Variants in MECOM observed in about 807,000 individuals in gnomAD.
MECOM encodes histone-lysine N-methyltransferase MECOM.
MECOM carries 13 observed loss-of-function variants against 116.3 expected under a neutral mutation model. That is an observed-to-expected ratio of 0.11 (90% CI 0.07 to 0.18). The LOEUF (loss-of-function observed/expected upper bound fraction) is 0.18. MECOM is among the 10% of genes least tolerant of loss of function. The pLI, the probability that MECOM is intolerant of heterozygous loss-of-function variation, is 1.00. For missense variants in MECOM, 1,299 were observed against 1,509.0 expected, an observed-to-expected ratio of 0.86 and a Z score of 2.31; for synonymous variants, 528 against 535.2, an observed-to-expected ratio of 0.99 and a Z score of 0.19.
At chr3:169,562,638 C>T (rs1192284946) in intron 1 of MECOM, among the ~76,000 whole-genome samples, 2 of 152,142 alleles carry the variant, frequency 1.3e-5, no homozygotes, top group South Asian at 2.1e-4. Context: ...ACCCACAAAA[C>T]CCTGGAGACT....
At chr3:169,322,660 A>G (rs978925361) in intron 2 of MECOM, among the ~76,000 whole-genome samples, 12 of 152,158 alleles carry the variant, frequency 7.9e-5, no homozygotes, top group Non-Finnish European at 1.3e-4. Context: ...GCAAATGCCA[A>G]TGAGTACCTA....
chr3:169,549,411 A>G (rs1291778741), intron 1 of MECOM, among the ~76,000 whole-genome samples: 1 of 152,200 alleles, frequency 6.6e-6, no homozygotes, highest in East Asian at 1.9e-4. Flanking sequence ...AAAGAAAAAA[A>G]AAAAAAAGCT....
At chr3:169,110,361 C>T (rs184295030) in intron 9 of MECOM, among the ~76,000 whole-genome samples, 5 of 152,262 alleles carry the variant, frequency 3.3e-5, no homozygotes, top group Admixed American at 3.3e-4. Flanking sequence ...TTAGGTCCTT[C>T]CACATGCCAA....
At chr3:169,166,300 T>C (rs1454552208) in intron 2 of MECOM, among the ~76,000 whole-genome samples, 1 of 151,912 alleles carries the variant, frequency 6.6e-6, no homozygotes, top group East Asian at 1.9e-4. Context: ...AAGCGGGGAG[T>C]GCGTTGCTTA....
chr3:169,391,596 A>G (rs949908441), intron 1 of MECOM, among the ~76,000 whole-genome samples: 2 of 152,220 alleles, frequency 1.3e-5, no homozygotes, highest in Non-Finnish European at 2.9e-5. Flanking sequence ...ATGAGAAAAC[A>G]TTATATATTT....
At chr3:169,115,287 T>C in intron 8 of MECOM, 96 bp downstream of exon 8, 1 of 1,250,428 alleles carries the variant, frequency 8.0e-7, no homozygotes. Flanking sequence ...TTTATAATAA[T>C]AGTAAAAATG....
intron 1 of MECOM, among the ~76,000 whole-genome samples, chr3:169,566,513 C>A (rs182510225): frequency 6.6e-6 from 1 of 152,266 alleles, no homozygotes; most frequent in East Asian, 1.9e-4. Flanking sequence ...TGCCAGGTAC[C>A]ATGCAATGGG....
intron 1 of MECOM, among the ~76,000 whole-genome samples, chr3:169,388,661 T>C (rs372663821): frequency 6.6e-6 from 1 of 152,190 alleles, no homozygotes; most frequent in African/African-American, 2.4e-5. Context: ...GTCTTTAGCA[T>C]GTCCTGCTCC....
intron 1 of MECOM, among the ~76,000 whole-genome samples, chr3:169,419,538 A>G (rs1739340228): frequency 6.6e-6 from 1 of 152,178 alleles, no homozygotes; most frequent in Non-Finnish European, 1.5e-5. Flanking sequence ...TACCAGTGGC[A>G]AAACAGATAT....
intron 2 of MECOM, among the ~76,000 whole-genome samples, chr3:169,252,638 C>T (rs1348663137): frequency 6.6e-6 from 1 of 152,050 alleles, no homozygotes; most frequent in African/African-American, 2.4e-5. Context: ...AAAGTCTACA[C>T]TTTTACTGGG....
At chr3:169,579,889 C>G (rs1009434623) in intron 1 of MECOM, among the ~76,000 whole-genome samples, 1 of 152,200 alleles carries the variant, frequency 6.6e-6, no homozygotes, top group African/African-American at 2.4e-5. Flanking sequence ...TTCCACAGCA[C>G]AACCATTTCA....
intron 1 of MECOM, among the ~76,000 whole-genome samples, chr3:169,552,834 C>T (rs1761573726): frequency 7.3e-6 from 1 of 136,394 alleles, no homozygotes; most frequent in South Asian, 2.1e-4. Context: ...GGAAGTGGGG[C>T]GGTGCCATCC....
chr3:169,508,577 T>A (rs1308020737), intron 1 of MECOM, among the ~76,000 whole-genome samples: 1 of 152,182 alleles, frequency 6.6e-6, no homozygotes, highest in East Asian at 1.9e-4. Flanking sequence ...AGCCTGTCAA[T>A]CCTGTAAATA....
intron 2 of MECOM, among the ~76,000 whole-genome samples, chr3:169,159,402 A>G (rs1415963421): frequency 6.6e-6 from 1 of 152,098 alleles, no homozygotes; most frequent in African/African-American, 2.4e-5. Flanking sequence ...TACTAAAAAT[A>G]CAAAAAATTA....
intron 1 of MECOM, among the ~76,000 whole-genome samples, chr3:169,529,000 T>A (rs569695343): frequency 3.9e-5 from 6 of 152,344 alleles, no homozygotes; most frequent in Admixed American, 3.9e-4. Context: ...TTTTTTCCCA[T>A]TTGAATTGCT....
At chr3:169,426,601 G>C (rs868156173) in intron 1 of MECOM, among the ~76,000 whole-genome samples, 1 of 152,208 alleles carries the variant, frequency 6.6e-6, no homozygotes, top group Non-Finnish European at 1.5e-5. Flanking sequence ...CTGATTTAAA[G>C]TCAATGAATA....
chr3:169,308,681 C>A (rs1718163171), intron 2 of MECOM, among the ~76,000 whole-genome samples: 1 of 152,126 alleles, frequency 6.6e-6, no homozygotes, highest in Admixed American at 6.6e-5. Flanking sequence ...TATTTTTTAT[C>A]CAAATAAAGG....
At chr3:169,331,002 T>C (rs1202108117) in intron 2 of MECOM, among the ~76,000 whole-genome samples, 1 of 152,122 alleles carries the variant, frequency 6.6e-6, no homozygotes, top group Non-Finnish European at 1.5e-5. Flanking sequence ...TAGATAATGA[T>C]GTTGATTATT....
At chr3:169,479,270 A>AGT (rs10629993) in intron 1 of MECOM, among the ~76,000 whole-genome samples, 32,818 of 148,542 alleles carry the variant, frequency 0.22, 3,669 homozygotes, top group South Asian at 0.25. Context: ...TAGGGATGTG[A>AGT]GTGTGTGTGT....
Sources: allele counts gnomAD v4.1 joint callset (sites outside exome capture counted in the v4.1 genomes callset), GRCh38; gene constraint gnomAD v4.1.1; transcripts MANE v1.5; gene names NCBI Gene and HGNC (gene_info 2026-07-23, HGNC 2026-07-21).